Variants in ALS2 observed in about 807,000 individuals in gnomAD.
The protein encoded by ALS2 is alsin Rho guanine nucleotide exchange factor ALS2.
ALS2 carries 117 observed loss-of-function variants against 203.4 expected under a neutral mutation model. The observed-to-expected ratio is 0.58, with a 90% CI of 0.50 to 0.67. ALS2 has a LOEUF of 0.67. Among genes scored for constraint, ALS2 ranks in the 30% least tolerant of loss-of-function variants. ALS2 has a pLI of 0.00. For synonymous variants in ALS2, 718 were observed against 725.9 expected (o/e 0.99, Z 0.17); for missense variants, 1,715 against 1,989.4 (o/e 0.86, Z 2.62).
chr2:201,725,343 T>C lies in ALS2; in HGVS notation c.3347+13A>G. The C allele has an allele frequency of 6.2e-7, 1 of 1,606,466 alleles. No homozygotes were observed. Among genetic ancestry groups the C allele is most frequent in the Non-Finnish European group, 8.5e-7 (1 of 1,173,084 alleles). On this transcript the variant is annotated intron_variant, in intron 20 of 33. Transcript: ENST00000264276. ...AAAAACAAACACCAGTCCAACAGCC[T>C]TTCCAATGTTACCTGTAGACTCCTT...
intron 24 of ALS2, among the ~76,000 whole-genome samples, chr2:201,716,900 G>A (rs1196186284): frequency 6.6e-6 from 1 of 151,856 alleles, no homozygotes; most frequent in African/African-American, 2.4e-5. Context: ...AAAAACCTGA[G>A]GTGCTACCAA....
At chr2:201,707,796 C>A (rs1337213370) in intron 28 of ALS2, 73 bp downstream of exon 28, 4 of 1,570,892 alleles carry the variant, frequency 2.5e-6, no homozygotes, top group South Asian at 1.1e-5. Flanking sequence ...CACACTTTCT[C>A]GCTGGGACTC....
intron 1 of ALS2, among the ~76,000 whole-genome samples, chr2:201,774,446 T>C (rs1694562589): frequency 6.6e-6 from 1 of 152,200 alleles, no homozygotes; most frequent in Non-Finnish European, 1.5e-5. Flanking sequence ...AGTATGCATG[T>C]TGTATAGTCT....
At chr2:201,744,594 G>GA (rs1692501902) in intron 9 of ALS2, among the ~76,000 whole-genome samples, 165 bp from the exon 10 acceptor site, 1 of 152,136 alleles carries the variant, frequency 6.6e-6, no homozygotes, top group South Asian at 2.1e-4. Context: ...TGGCCATAGT[G>GA]AAAATCTGCA....
Position 201,748,049 on chromosome 2 carries a change from A to AACACAC in ALS2, c.1816-1307_1816-1302dup, listed in dbSNP as rs58974856. 7.4e-4 allele frequency among the ~76,000 whole-genome samples: 112 copies of AACACAC among 151,400 alleles called. 1 individual carries two copies. The highest frequency in any genetic ancestry group is 2.7e-3 in the African/African-American group (112 of 41,280). ...AGCTTCAGCTCCTAGACTGATAGGC[A>AACACAC]ACACACACACACACACAAATACACT... On this transcript the variant is annotated intron_variant, in intron 8 of 33. Transcript: ENST00000264276.
chr2:201,756,542 C>T (rs562780290), intron 5 of ALS2, among the ~76,000 whole-genome samples: 49 of 152,140 alleles, frequency 3.2e-4, no homozygotes, highest in Middle Eastern at 6.8e-3. Flanking sequence ...CATGGCCAAA[C>T]AGGGCCTACC....
chr2:201,700,553 T>C lies in ALS2; in HGVS notation c.*1298A>G, dbSNP rs1277661804. 6.6e-6 allele frequency: 1 copy of C among 152,666 alleles called. No individual in the cohort carries two copies. Among genetic ancestry groups the C allele is most frequent in the Admixed American group, 6.5e-5 (1 of 15,282 alleles). 9.5% of individuals were successfully genotyped at this position (152,666 alleles called of 1,614,324 possible). A position where few individuals can be genotyped will look rare whatever the true frequency, so the allele number is the denominator to read the frequency against. On this transcript the variant is annotated 3_prime_UTR_variant, in exon 34 of 34. Transcript: ENST00000264276. ...CTTCTACAATCATAAAACAACCACA[T>C]AAAGATGAATGCCTTTTATTATGAA...
intron 26 of ALS2, among the ~76,000 whole-genome samples, chr2:201,710,551 AAC>A (rs1689974132): frequency 6.6e-6 from 1 of 152,222 alleles, no homozygotes. Flanking sequence ...GATACTCTGA[AAC>A]AGTCATCCTT....
At chr2:201,721,380 T>C (rs1690782467) in intron 23 of ALS2, among the ~76,000 whole-genome samples, 1 of 152,180 alleles carries the variant, frequency 6.6e-6, no homozygotes, top group Admixed American at 6.5e-5. Context: ...AGAACAAATT[T>C]GGAGGACTTA....
At position 201,706,949 on chromosome 2, in the gene ALS2, A is replaced by G. The variant is rs779394969; in HGVS notation, c.4477T>C (p.Tyr1493His). Reference sequence around the variant, plus strand: ...TCCTCGCGATCATTATCCAAAGCATAAAGCATAAACAGCGGTGGGTAGAGC... The same window carrying G: ...TCCTCGCGATCATTATCCAAAGCATGAAGCATAAACAGCGGTGGGTAGAGC... ...PRLYPPLFML[Y>H]ALDNDREEDI... is the part of the protein sequence containing the mutation. Residue 1493 changes from tyrosine (Y) to histidine (H), a missense_variant, in exon 29 of 34, where the codon TAT becomes CAT. By Grantham distance (83) the Tyr-to-His change is moderately conservative. This residue lies in a region of ALS2 where 1,227 missense variants were observed against 1,413.5 expected (regional missense o/e 0.87). Coordinates refer to ENST00000264276, the MANE Select transcript of ALS2 (RefSeq NM_020919.4). The G allele has an allele frequency of 6.2e-7, 1 of 1,614,128 alleles. No individual in the cohort carries two copies. Among genetic ancestry groups the G allele is most frequent in the Non-Finnish European group, 8.5e-7 (1 of 1,179,998 alleles).
chr2:201,748,993 T>G (rs1040151240), intron 8 of ALS2, among the ~76,000 whole-genome samples: 2 of 152,154 alleles, frequency 1.3e-5, no homozygotes, highest in Non-Finnish European at 2.9e-5. Flanking sequence ...CAACTACATA[T>G]CTATGACCTC....
chr2:201,749,555 G>A (rs149595761), intron 8 of ALS2, among the ~76,000 whole-genome samples, 157 bp downstream of exon 8: 42 of 152,198 alleles, frequency 2.8e-4, no homozygotes, highest in African/African-American at 7.2e-4. Flanking sequence ...TTGAAAACAC[G>A]TGGCTTCCTG....
In ALS2 at chr2:201,729,116, C is replaced by A; in HGVS notation, c.2648G>T (p.Gly883Val). Residue 883 changes from glycine (G) to valine (V), a missense_variant, in exon 14 of 34, where the codon GGC becomes GTC. Gly to Val is a moderately radical substitution (Grantham distance 109). Transcript: ENST00000264276. Reference protein sequence around the residue: ...SCYECLALHLGRKRKEAEYTL... With the variant: ...SCYECLALHLVRKRKEAEYTL... ...GTATTCTGCTTCCTTCCTTTTCCTG[C>A]CGAGATGGAGAGCAAGACACTCATA... 1 of 1,613,882 alleles carries A rather than the reference C, an allele frequency of 6.2e-7. No individual in the cohort carries two copies. Among genetic ancestry groups the A allele is most frequent in the South Asian group, 1.1e-5 (1 of 91,076 alleles).
chr2:201,707,954 T>C lies in ALS2; in HGVS notation c.4318A>G (p.Ile1440Val). The C allele has an allele frequency of 1.2e-6, 2 of 1,613,308 alleles. No homozygotes were observed. The highest frequency in any genetic ancestry group is 8.5e-7 in the Non-Finnish European group (1 of 1,179,482). The change falls in exon 28 of 34, where the codon ATT (isoleucine) becomes GTT (valine). Residue 1440 changes from isoleucine to valine, a missense_variant. Physicochemically the swap from Ile to Val is conservative, Grantham distance 29 (BLOSUM62 3). Transcript: ENST00000264276. ...FPELPEEGST[I>V]PLSAPLPTER... Reference sequence around the variant, plus strand: ...GTTGGCAGAGGAGCAGAGAGAGGAATTGTGCTGCCTTCTTCAGGCAGCTCA... The same window carrying C: ...GTTGGCAGAGGAGCAGAGAGAGGAACTGTGCTGCCTTCTTCAGGCAGCTCA...
In ALS2 at chr2:201,700,754, G is replaced by C. The variant is rs1043473484; in HGVS notation, c.*1097C>G. The C allele has an allele frequency of 2.0e-5, 3 of 152,584 alleles. No homozygotes were observed. Among genetic ancestry groups the C allele is most frequent in the Admixed American group, 6.5e-5 (1 of 15,280 alleles). The allele number at this position is 152,584 out of a possible 1,614,324, so 9.5% of individuals were successfully genotyped here. A position where few individuals can be genotyped will look rare whatever the true frequency, so the allele number is the denominator to read the frequency against. On this transcript the variant is annotated 3_prime_UTR_variant, in exon 34 of 34. Transcript: ENST00000264276. ...CACCACGGTGTAGGAGATGAGATGA[G>C]GAAGAGCACCTATGTTATTCAAAAC...
chr2:201,746,492 T>G lies in ALS2; in HGVS notation c.1998+74A>C, dbSNP rs1692659167. 1.9e-6 allele frequency: 3 copies of G among 1,556,532 alleles called. No homozygotes were observed. In the Admixed American group the frequency reaches 5.0e-5, roughly 26 times the overall value. ...ATGCTTACTAATAATTAGCCATACA[T>G]ACAAATAAAAACAAAAACAAAAGAC... On this transcript the variant is annotated intron_variant, in intron 9 of 33. Coordinates refer to ENST00000264276, the MANE Select transcript of ALS2 (RefSeq NM_020919.4).
At chr2:201,707,113 A>G (rs936669921) in intron 28 of ALS2, 91 bp from the exon 29 acceptor site, 3 of 1,237,650 alleles carry the variant, frequency 2.4e-6, no homozygotes, top group South Asian at 2.6e-5. Context: ...CAAAAAGTCA[A>G]AAGTAGAGAT....
chr2:201,774,212 G>C (rs1188752962), intron 1 of ALS2, among the ~76,000 whole-genome samples: 1 of 152,174 alleles, frequency 6.6e-6, no homozygotes, highest in Non-Finnish European at 1.5e-5. Flanking sequence ...TGTGGTCCTG[G>C]ATACAAGGAT....
At chr2:201,720,343 A>G (rs1345704959) in intron 23 of ALS2, among the ~76,000 whole-genome samples, 1 of 152,130 alleles carries the variant, frequency 6.6e-6, no homozygotes, top group African/African-American at 2.4e-5. Context: ...AATACACCAT[A>G]TTAGTAGAAT....
Sources: allele counts gnomAD v4.1 joint callset (sites outside exome capture counted in the v4.1 genomes callset), GRCh38; gene constraint gnomAD v4.1.1; regional missense constraint gnomAD v4.1.1; transcripts MANE v1.5; gene names NCBI Gene and HGNC (gene_info 2026-07-23, HGNC 2026-07-21).